The following ANKFN1 variants were observed in gnomAD, a reference collection of about 807,000 sequenced individuals.
ANKFN1 encodes ankyrin repeat and fibronectin type-III domain-containing protein 1.
ANKFN1 carries 74 observed loss-of-function variants against 108.7 expected under a neutral mutation model. That is an observed-to-expected ratio of 0.68 (90% CI 0.56 to 0.83). The LOEUF (loss-of-function observed/expected upper bound fraction) is 0.83, where lower values mean the gene tolerates loss of function less well. Ranked by LOEUF, ANKFN1 falls within the 40% of genes least tolerant of loss-of-function variation. The probability of loss-of-function intolerance (pLI) is 0.00; values close to 1 mark genes in which losing one functional copy is unlikely to be tolerated. For synonymous variants in ANKFN1, 547 were observed against 516.2 expected, an observed-to-expected ratio of 1.06 and a Z score of -0.81; for missense variants, 1,505 against 1,382.3, an observed-to-expected ratio of 1.09 and a Z score of -1.41.
At chr17:56,200,005 A>G (rs1461481579) in intron 1 of ANKFN1, among the ~76,000 whole-genome samples, 1 of 152,122 alleles carries the variant, frequency 6.6e-6, no homozygotes, top group Non-Finnish European at 1.5e-5. Flanking sequence ...TTGCTACTTC[A>G]TATCCTACGA....
At chr17:56,297,467 G>A (rs888230099) in intron 3 of ANKFN1, among the ~76,000 whole-genome samples, 13 of 152,180 alleles carry the variant, frequency 8.5e-5, no homozygotes, top group Admixed American at 1.3e-4. Context: ...GGAACCAAAG[G>A]TTTATCAAGC....
chr17:56,136,805 G>T (rs924934260), intron 4 of ANKFN1, among the ~76,000 whole-genome samples: 6 of 152,098 alleles, frequency 3.9e-5, no homozygotes, highest in African/African-American at 1.4e-4. Flanking sequence ...TATGATAAAT[G>T]AACCATTATA....
At chr17:56,296,737 G>A (rs576237622) in intron 3 of ANKFN1, among the ~76,000 whole-genome samples, 1 of 152,130 alleles carries the variant, frequency 6.6e-6, no homozygotes, top group Admixed American at 6.5e-5. Flanking sequence ...GCTGTGAAGC[G>A]CATGAGCTTT....
chr17:56,050,581 G>A (rs1904757800), intron 4 of ANKFN1, among the ~76,000 whole-genome samples: 1 of 150,164 alleles, frequency 6.7e-6, no homozygotes, highest in African/African-American at 2.5e-5. Flanking sequence ...AAGGTGTAAG[G>A]AAGGGATCCA....
chr17:56,355,282 C>T (rs930405091), intron 6 of ANKFN1, among the ~76,000 whole-genome samples: 7 of 152,112 alleles, frequency 4.6e-5, no homozygotes, highest in Non-Finnish European at 8.8e-5. Flanking sequence ...CAAGAAAAGC[C>T]TCTCTGATGT....
chr17:56,416,871 A>G (rs1422581969), intron 8 of ANKFN1, among the ~76,000 whole-genome samples: 1 of 152,222 alleles, frequency 6.6e-6, no homozygotes, highest in Non-Finnish European at 1.5e-5. Context: ...AGTACTATGC[A>G]GCCATAAAAA....
intron 19 of ANKFN1, among the ~76,000 whole-genome samples, chr17:56,498,217 A>G (rs1188910509): frequency 1.3e-5 from 2 of 152,170 alleles, no homozygotes; most frequent in Non-Finnish European, 2.9e-5. Flanking sequence ...TCTATATGTA[A>G]GAAAGTAGTA....
At chr17:56,074,329 C>A (rs1159771547) in intron 4 of ANKFN1, among the ~76,000 whole-genome samples, 5 of 152,158 alleles carry the variant, frequency 3.3e-5, no homozygotes, top group African/African-American at 1.2e-4. Flanking sequence ...ATTAATGGTT[C>A]CTGTTGAATG....
At chr17:56,459,167 G>A (rs1447423255) in intron 14 of ANKFN1, among the ~76,000 whole-genome samples, 1 of 152,088 alleles carries the variant, frequency 6.6e-6, no homozygotes, top group East Asian at 1.9e-4. Context: ...CTGGAGTTCA[G>A]TGCCGTGATC....
intron 8 of ANKFN1, among the ~76,000 whole-genome samples, chr17:56,393,548 G>A (rs1195174418): frequency 2.0e-5 from 3 of 152,218 alleles, no homozygotes; most frequent in Non-Finnish European, 2.9e-5. Context: ...CTGGCTAGTT[G>A]TTGAGCTGAA....
chr17:56,421,081 A>G (rs940512827), intron 8 of ANKFN1, among the ~76,000 whole-genome samples: 6 of 152,218 alleles, frequency 3.9e-5, no homozygotes, highest in African/African-American at 1.2e-4. Flanking sequence ...AAAAATGAAA[A>G]TGGTCTCAGG....
At chr17:56,431,737 A>G (rs967186187) in intron 8 of ANKFN1, among the ~76,000 whole-genome samples, 1 of 152,244 alleles carries the variant, frequency 6.6e-6, no homozygotes, top group Non-Finnish European at 1.5e-5. Flanking sequence ...ATGAAGGCTC[A>G]GCATCTGGCA....
At chr17:56,091,409 C>T (rs1905414568) in intron 4 of ANKFN1, among the ~76,000 whole-genome samples, 1 of 125,988 alleles carries the variant, frequency 7.9e-6, no homozygotes, top group African/African-American at 3.0e-5. Context: ...CATTTTTCTT[C>T]CAAACAAATC....
Position 56,126,528 on chromosome 17 carries a change from G to A in ANKFN1, c.288+80203G>A, listed in dbSNP as rs561215320. On this transcript the variant is annotated intron_variant, in intron 4 of 12. Transcript: ENST00000635860. ...GCTGACTTTAGACTTGGTGTTCTCT[G>A]TGGCTGCTGGCGTCGGCCACAGAAT... 1.3e-4 allele frequency among the ~76,000 whole-genome samples: 20 copies of A among 152,298 alleles called. No individual in the cohort carries two copies. The South Asian group carries it at 3.9e-3, about 30-fold the overall frequency.
chr17:56,411,071 T>C (rs2048076328), intron 8 of ANKFN1, among the ~76,000 whole-genome samples: 1 of 152,206 alleles, frequency 6.6e-6, no homozygotes, highest in Non-Finnish European at 1.5e-5. Flanking sequence ...TGATAGAGAT[T>C]GCATCGAATC....
chr17:56,065,155 G>A (rs1033250334), intron 4 of ANKFN1, among the ~76,000 whole-genome samples: 3 of 152,132 alleles, frequency 2.0e-5, no homozygotes, highest in East Asian at 3.8e-4. Flanking sequence ...GTTTCTAGTC[G>A]ACCATCTTGG....
chr17:56,200,964 T>C (rs1365380697), intron 1 of ANKFN1, among the ~76,000 whole-genome samples: 1 of 152,198 alleles, frequency 6.6e-6, no homozygotes, highest in African/African-American at 2.4e-5. Flanking sequence ...GTATGCTAGA[T>C]TTCTCCTTGC....
intron 8 of ANKFN1, among the ~76,000 whole-genome samples, chr17:56,386,128 A>G (rs1439337030): frequency 1.3e-5 from 2 of 151,772 alleles, no homozygotes; most frequent in Non-Finnish European, 3.0e-5. Flanking sequence ...ACACCATGGA[A>G]TACTATGCAG....
At chr17:56,107,850 T>A (rs558708483) in intron 4 of ANKFN1, among the ~76,000 whole-genome samples, 124 of 152,300 alleles carry the variant, frequency 8.1e-4, no homozygotes, top group African/African-American at 2.5e-3. Context: ...GCACCTTTTT[T>A]AAATTATTTT....
Sources: gnomAD v4.1 joint callset for allele counts (sites outside exome capture counted in the v4.1 genomes callset) on GRCh38, gnomAD v4.1.1 for gene constraint, MANE v1.5 for transcripts, NCBI Gene and HGNC (gene_info 2026-07-23, HGNC 2026-07-21) for gene names.